Variants in KIDINS220 observed in about 807,000 individuals in gnomAD.
The protein encoded by KIDINS220 is kinase D-interacting substrate of 220 kDa.
A neutral mutation model predicts 157.6 loss-of-function variants in KIDINS220; 63 were observed. The ratio of observed to expected loss-of-function variants is 0.40; its 90% CI spans 0.33 to 0.49. The LOEUF (loss-of-function observed/expected upper bound fraction) is 0.49. Among genes scored for constraint, KIDINS220 ranks in the 20% least tolerant of loss-of-function variants. The pLI is 0.66. For synonymous variants in KIDINS220, 732 were observed against 783.6 expected (o/e 0.93, Z 1.10); for missense variants, 1,772 against 2,171.2 (o/e 0.82, Z 3.65).
At chr2:8,803,195 T>C (rs1558455622) in intron 7 of KIDINS220, 68 bp from the exon 8 acceptor site, 2 of 1,256,722 alleles carry the variant, frequency 1.6e-6, no homozygotes, top group South Asian at 2.9e-5. Flanking sequence ...CTAGAAAATA[T>C]ATGATTTATG....
chr2:8,824,266 T>A (rs1233080076), intron 2 of KIDINS220, among the ~76,000 whole-genome samples: 1 of 152,196 alleles, frequency 6.6e-6, no homozygotes, highest in Non-Finnish European at 1.5e-5. Context: ...ATAAAAACAT[T>A]AGCTATTATT....
At chr2:8,757,156 A>T in intron 22 of KIDINS220, 1 of 588,640 alleles carries the variant, frequency 1.7e-6, no homozygotes, top group Non-Finnish European at 2.1e-6. Flanking sequence ...ACTAGTGTTT[A>T]TACAAACAAG....
In KIDINS220 at chr2:8,785,735, G is replaced by A. The variant is rs770317658; in HGVS notation, c.2229+6C>T. ...CAATTTTTTCTAATAACCAATGAGT[G>A]CTTACTTTCATGAATCCTTCACTTT... On this transcript the variant is annotated splice_donor_region_variant and intron_variant, in intron 17 of 29. Coordinates refer to ENST00000256707, the MANE Select transcript of KIDINS220 (RefSeq NM_020738.4). The A allele has an allele frequency of 6.2e-7, 1 of 1,603,080 alleles. No individual in the cohort carries two copies.
intron 13 of KIDINS220, 72 bp downstream of exon 13, chr2:8,790,988 C>T (rs1673106664): frequency 6.9e-7 from 1 of 1,446,234 alleles, no homozygotes; most frequent in Non-Finnish European, 9.4e-7. Context: ...TGGTCTTCCT[C>T]TTTATTTCAG....
chr2:8,812,532 A>C, intron 5 of KIDINS220, 39 bp from the exon 6 acceptor site: 2 of 1,162,454 alleles, frequency 1.7e-6, no homozygotes, highest in Non-Finnish European at 2.4e-6. Flanking sequence ...GTAGATAAGT[A>C]GGAAGGAAGG....
At position 8,791,067 on chromosome 2, in the gene KIDINS220, T is replaced by G; in HGVS notation, c.1434A>C (p.Lys478Asn). ...WGSGKSFLLK[K>N]LEDEMKTFAG... ...TACAAGCAAGCCCTTTACCTTCTAG[T>G]TTCTTGAGTAAGAAAGATTTCCCAC... Residue 478 changes from lysine to asparagine, a missense_variant, in exon 13 of 30, where the codon AAA (lysine) becomes AAC (asparagine). By Grantham distance (94) the Lys-to-Asn change is moderately conservative. Around this residue, in one of 3 missense-constraint regions of KIDINS220, gnomAD observed 725 missense variants for 1,017.1 expected, o/e 0.71. Transcript: ENST00000256707. 6.2e-7 allele frequency: 1 copy of G among 1,612,842 alleles called. No individual in the cohort carries two copies. The highest frequency in any genetic ancestry group is 8.5e-7 in the Non-Finnish European group (1 of 1,179,424).
chr2:8,734,602 G>C (rs1021618357), intron 28 of KIDINS220, 53 bp downstream of exon 28: 1 of 1,222,014 alleles, frequency 8.2e-7, no homozygotes, highest in Non-Finnish European at 1.2e-6. Context: ...AAATAATTTT[G>C]AATGTTATCA....
chr2:8,752,888 A>C (rs1667553038), intron 22 of KIDINS220, among the ~76,000 whole-genome samples: 1 of 152,210 alleles, frequency 6.6e-6, no homozygotes, highest in Admixed American at 6.5e-5. Flanking sequence ...TTTATTATGC[A>C]GAATGTTTTG....
intron 24 of KIDINS220, among the ~76,000 whole-genome samples, chr2:8,748,662 T>C (rs141603963): frequency 6.6e-6 from 1 of 152,150 alleles, no homozygotes; most frequent in Admixed American, 6.5e-5. Flanking sequence ...AAGACTGCAG[T>C]TCATAAGGTT....
At chr2:8,761,239 T>C (rs1380112997) in intron 22 of KIDINS220, among the ~76,000 whole-genome samples, 1 of 152,122 alleles carries the variant, frequency 6.6e-6, no homozygotes, top group Non-Finnish European at 1.5e-5. Context: ...AGAACGCAAA[T>C]GTTTGATAAT....
chr2:8,818,462 T>C (rs1345952687), intron 3 of KIDINS220, among the ~76,000 whole-genome samples: 1 of 152,114 alleles, frequency 6.6e-6, no homozygotes, highest in Non-Finnish European at 1.5e-5. Flanking sequence ...GTACACATGC[T>C]CTCTATTCAG....
intron 17 of KIDINS220, among the ~76,000 whole-genome samples, chr2:8,782,057 C>T (rs1321842247): frequency 6.6e-6 from 1 of 151,952 alleles, no homozygotes; most frequent in East Asian, 1.9e-4. Context: ...GAGATTGCAG[C>T]AAGCTGGGAT....
chr2:8,779,634 C>A, intron 18 of KIDINS220, 40 bp downstream of exon 18: 1 of 1,585,460 alleles, frequency 6.3e-7, no homozygotes, highest in Admixed American at 1.7e-5. Flanking sequence ...TCAAGTGCCA[C>A]AACATAACAA....
chr2:8,738,331 G>T (rs1665174367), intron 26 of KIDINS220, among the ~76,000 whole-genome samples: 1 of 152,186 alleles, frequency 6.6e-6, no homozygotes, highest in African/African-American at 2.4e-5. Flanking sequence ...AGACGGAAGT[G>T]AAAATTAATG....
intron 20 of KIDINS220, 87 bp from the exon 21 acceptor site, chr2:8,776,979 AC>A: frequency 7.0e-7 from 1 of 1,421,258 alleles, no homozygotes; most frequent in Non-Finnish European, 9.5e-7. Context: ...AATGTTTATA[AC>A]AAAAAAAAAA....
chr2:8,817,867 A>T, intron 3 of KIDINS220, 151 bp from the exon 4 acceptor site: 1 of 473,332 alleles, frequency 2.1e-6, no homozygotes, highest in East Asian at 3.2e-5. Context: ...GTCATACTGA[A>T]GCTCTCTTAA....
Position 8,779,827 on chromosome 2 carries a change from G to A in KIDINS220, c.2230-13C>T, listed in dbSNP as rs1169132731. ...CACATTTAAGAACCTGTATTGCAAAGGAAGGTATAGAAAGCACTGAAGGAA... is the reference window on the plus strand; with the variant it reads ...CACATTTAAGAACCTGTATTGCAAAAGAAGGTATAGAAAGCACTGAAGGAA... On this transcript the variant is annotated splice_polypyrimidine_tract_variant and intron_variant, in intron 17 of 29. Transcript: ENST00000256707. The A allele has an allele frequency of 6.2e-7, 1 of 1,613,438 alleles. No individual in the cohort carries two copies. The highest frequency in any genetic ancestry group is 1.1e-5 in the South Asian group (1 of 91,068).
At chr2:8,761,348 C>T (rs1251825588) in intron 22 of KIDINS220, among the ~76,000 whole-genome samples, 2 of 152,146 alleles carry the variant, frequency 1.3e-5, no homozygotes, top group African/African-American at 2.4e-5. Context: ...TGCAAGTTCT[C>T]TTAAAAGATT....
chr2:8,744,402 ATATATATATATATATATATATAT>A lies in KIDINS220; in HGVS notation c.3585+2720_3585+2742del, dbSNP rs1666241238. Among the ~76,000 whole-genome samples, 13 of 3,390 alleles carry A rather than the reference ATATATATATATATATATATATAT, an allele frequency of 3.8e-3. 1 individual carries two copies. Among genetic ancestry groups the A allele is most frequent in the African/African-American group, 0.011 (13 of 1,156 alleles). 2.2% of individuals were successfully genotyped at this position (3,390 alleles called of 152,430 possible). On this transcript the variant is annotated intron_variant, in intron 26 of 29. Coordinates refer to ENST00000256707, the MANE Select transcript of KIDINS220 (RefSeq NM_020738.4). ...AAAAAAAAAAAAATATATATATATA[ATATATATATATATATATATATAT>A]ATATATATATATATATATATGGGAT...
Sources: allele counts gnomAD v4.1 joint callset (sites outside exome capture counted in the v4.1 genomes callset), GRCh38; gene constraint gnomAD v4.1.1; regional missense constraint gnomAD v4.1.1; transcripts MANE v1.5; gene names NCBI Gene and HGNC (gene_info 2026-07-23, HGNC 2026-07-21).